Variants in PLXDC2 observed in about 807,000 individuals in gnomAD.
PLXDC2 encodes plexin domain-containing protein 2.
In PLXDC2, 40 loss-of-function variants were observed where a neutral mutation model predicts 68.9. The ratio of observed to expected loss-of-function variants is 0.58; its 90% CI spans 0.45 to 0.76. The LOEUF is 0.76. PLXDC2 is among the 30% of genes least tolerant of loss of function. The pLI, the probability that PLXDC2 is intolerant of heterozygous loss-of-function variation, is 0.00. For missense variants in PLXDC2, 644 were observed against 661.9 expected, an observed-to-expected ratio of 0.97 and a Z score of 0.30; for synonymous variants, 243 against 234.2, an observed-to-expected ratio of 1.04 and a Z score of -0.34.
chr10:19,823,264 G>C (rs1387576284), intron 1 of PLXDC2, among the ~76,000 whole-genome samples: 1 of 152,112 alleles, frequency 6.6e-6, no homozygotes, highest in African/African-American at 2.4e-5. Context: ...ATATATGGTG[G>C]TGGTGGTGTT....
intron 1 of PLXDC2, among the ~76,000 whole-genome samples, chr10:19,958,214 C>G (rs1168124067): frequency 6.6e-6 from 1 of 152,026 alleles, no homozygotes; most frequent in African/African-American, 2.4e-5. Flanking sequence ...AGGGCAAAAT[C>G]AAGCCTGATT....
At chr10:20,060,978 T>C (rs1340757148) in intron 3 of PLXDC2, among the ~76,000 whole-genome samples, 4 of 152,230 alleles carry the variant, frequency 2.6e-5, no homozygotes. Context: ...AATTTATCAC[T>C]CATCCTTTAT....
chr10:20,243,671 A>C (rs1437728332), intron 12 of PLXDC2, among the ~76,000 whole-genome samples: 1 of 151,878 alleles, frequency 6.6e-6, no homozygotes, highest in Non-Finnish European at 1.5e-5. Context: ...AAATAAAAGA[A>C]AGAAATCAGT....
intron 4 of PLXDC2, among the ~76,000 whole-genome samples, chr10:20,131,745 T>A (rs1259576187): frequency 1.3e-5 from 2 of 152,172 alleles, no homozygotes; most frequent in African/African-American, 4.8e-5. Flanking sequence ...AACTAAAAGT[T>A]ACTCTTTTGT....
chr10:20,230,711 A>AAAC (rs1835352288), intron 12 of PLXDC2, among the ~76,000 whole-genome samples: 1 of 149,610 alleles, frequency 6.7e-6, no homozygotes, highest in African/African-American at 2.5e-5. Context: ...AAAAAAAAAA[A>AAAC]AAACAGGAAA....
chr10:20,054,969 T>C (rs1835970752), intron 3 of PLXDC2, among the ~76,000 whole-genome samples: 1 of 152,186 alleles, frequency 6.6e-6, no homozygotes, highest in Non-Finnish European at 1.5e-5. Flanking sequence ...GCCAATATAC[T>C]GTTTGCCAGA....
At chr10:20,228,150 T>C (rs553045289) in intron 12 of PLXDC2, among the ~76,000 whole-genome samples, 66 of 152,322 alleles carry the variant, frequency 4.3e-4, no homozygotes, top group South Asian at 1.7e-3. Context: ...CATTTTTCTA[T>C]ATAAGCCTGA....
At chr10:20,025,734 T>C (rs1835388961) in intron 2 of PLXDC2, among the ~76,000 whole-genome samples, 1 of 152,132 alleles carries the variant, frequency 6.6e-6, no homozygotes, top group Non-Finnish European at 1.5e-5. Context: ...ATTTTTAATG[T>C]AGTTGTCTGT....
At chr10:20,001,712 A>G (rs898231303) in intron 1 of PLXDC2, 63 bp from the exon 2 acceptor site, 5 of 1,463,162 alleles carry the variant, frequency 3.4e-6, no homozygotes, top group African/African-American at 2.8e-5. Flanking sequence ...TCTCGAGCCG[A>G]TAGCACTTGC....
At position 20,043,472 on chromosome 10, in the gene PLXDC2, T is replaced by C. The variant is rs141685514; in HGVS notation, c.325-3397T>C. On this transcript the variant is annotated intron_variant, in intron 2 of 13. Transcript: ENST00000377252. ...TCTTTATGATAACTTCAAGACTCTT[T>C]CTTAACTAATCACAGAAATCCAGAG... The C allele has an allele frequency of 8.8e-4, 134 of 152,266 alleles. 1 individual carries two copies. The highest frequency in any genetic ancestry group is 3.2e-3 in the African/African-American group (131 of 41,560). 9.4% of individuals were successfully genotyped at this position (152,266 alleles called of 1,614,324 possible).
At chr10:19,916,227 A>G (rs1833364105) in intron 1 of PLXDC2, among the ~76,000 whole-genome samples, 1 of 150,252 alleles carries the variant, frequency 6.7e-6, no homozygotes, top group African/African-American at 2.4e-5. Context: ...GCTCACTGCA[A>G]CTTCTGCCTC....
chr10:19,871,099 C>G (rs72784143), intron 1 of PLXDC2, among the ~76,000 whole-genome samples: 27,401 of 152,086 alleles, frequency 0.18, 3,072 homozygotes, highest in African/African-American at 0.32. Flanking sequence ...GAAGGCAGGT[C>G]TAGATCCTCT....
intron 3 of PLXDC2, among the ~76,000 whole-genome samples, chr10:20,055,072 T>C (rs1259978201): frequency 1.3e-5 from 2 of 152,092 alleles, no homozygotes; most frequent in African/African-American, 4.8e-5. Flanking sequence ...CAAAATGAAA[T>C]GGTTGAAGTG....
At chr10:20,106,576 G>A (rs1334674096) in intron 4 of PLXDC2, among the ~76,000 whole-genome samples, 1 of 152,086 alleles carries the variant, frequency 6.6e-6, no homozygotes, top group Non-Finnish European at 1.5e-5. Context: ...GTGCATGTGG[G>A]AAGAACAGGA....
chr10:19,994,480 C>A (rs897129374), intron 1 of PLXDC2, among the ~76,000 whole-genome samples: 1 of 151,410 alleles, frequency 6.6e-6, no homozygotes. Flanking sequence ...AGGCACACAC[C>A]ACCATACCCA....
intron 2 of PLXDC2, among the ~76,000 whole-genome samples, chr10:20,037,357 T>A (rs989680081): frequency 6.6e-6 from 1 of 152,048 alleles, no homozygotes; most frequent in Non-Finnish European, 1.5e-5. Flanking sequence ...CTTTTTTTTT[T>A]TAATTTTTAT....
chr10:19,886,590 A>T (rs1170236768), intron 1 of PLXDC2, among the ~76,000 whole-genome samples: 1 of 152,140 alleles, frequency 6.6e-6, no homozygotes, highest in African/African-American at 2.4e-5. Flanking sequence ...CATGCTAAAA[A>T]CTCTCAATAA....
chr10:20,255,108 T>A (rs1189158717), intron 13 of PLXDC2, among the ~76,000 whole-genome samples: 1 of 152,112 alleles, frequency 6.6e-6, no homozygotes, highest in African/African-American at 2.4e-5. Context: ...TTTTTACTAA[T>A]TAATTCCCTA....
At chr10:19,889,767 A>G (rs1837916486) in intron 1 of PLXDC2, among the ~76,000 whole-genome samples, 2 of 152,200 alleles carry the variant, frequency 1.3e-5, no homozygotes, top group South Asian at 4.1e-4. Context: ...AGGCCTTGAC[A>G]TTTTGTACTC....
Sources: gnomAD v4.1 joint callset for allele counts (sites outside exome capture counted in the v4.1 genomes callset) on GRCh38, gnomAD v4.1.1 for gene constraint, MANE v1.5 for transcripts, NCBI Gene and HGNC (gene_info 2026-07-23, HGNC 2026-07-21) for gene names.